KCNK13: variants seen among roughly 807,000 people sequenced by gnomAD.
The protein encoded by KCNK13 is potassium channel subfamily K member 13.
In KCNK13, 12 loss-of-function variants were observed where a neutral mutation model predicts 23.4. The ratio of observed to expected loss-of-function variants is 0.51; its 90% CI spans 0.33 to 0.83. KCNK13 has a LOEUF of 0.83. Ranked by LOEUF, KCNK13 falls within the 40% of genes least tolerant of loss-of-function variation. The pLI, the probability that KCNK13 is intolerant of heterozygous loss-of-function variation, is 0.02. For synonymous variants in KCNK13, 231 were observed against 229.5 expected (o/e 1.01, Z -0.06); for missense variants, 463 against 556.3 (o/e 0.83, Z 1.69).
At chr14:90,169,997 T>A (rs1394525974) in intron 1 of KCNK13, among the ~76,000 whole-genome samples, 1 of 152,154 alleles carries the variant, frequency 6.6e-6, no homozygotes, top group Non-Finnish European at 1.5e-5. Flanking sequence ...TTTTTGTACA[T>A]GTCTTTTTGA....
intron 1 of KCNK13, among the ~76,000 whole-genome samples, chr14:90,089,934 C>T (rs1022034526): frequency 9.9e-5 from 15 of 152,188 alleles, no homozygotes; most frequent in African/African-American, 3.1e-4. Context: ...CCTAGATTTC[C>T]GAGGATGGTG....
At chr14:90,140,121 G>A (rs932492410) in intron 1 of KCNK13, among the ~76,000 whole-genome samples, 12 of 152,138 alleles carry the variant, frequency 7.9e-5, no homozygotes, top group African/African-American at 2.7e-4. Flanking sequence ...AAATTATCAT[G>A]AAAGAGACTG....
At chr14:90,139,604 A>G (rs1889979589) in intron 1 of KCNK13, among the ~76,000 whole-genome samples, 1 of 152,206 alleles carries the variant, frequency 6.6e-6, no homozygotes, top group Non-Finnish European at 1.5e-5. Flanking sequence ...ATAATGAAAC[A>G]TTAACAATTT....
At chr14:90,122,214 T>C (rs1377681529) in intron 1 of KCNK13, among the ~76,000 whole-genome samples, 1 of 152,174 alleles carries the variant, frequency 6.6e-6, no homozygotes, top group African/African-American at 2.4e-5. Context: ...AATCTACTTA[T>C]GGATAAAACT....
intron 1 of KCNK13, among the ~76,000 whole-genome samples, chr14:90,176,546 C>T (rs564927724): frequency 6.6e-6 from 1 of 151,900 alleles, no homozygotes; most frequent in East Asian, 1.9e-4. Context: ...GTAGTTTCAT[C>T]CCACATGAGA....
At chr14:90,168,257 C>A (rs1406826044) in intron 1 of KCNK13, among the ~76,000 whole-genome samples, 1 of 151,664 alleles carries the variant, frequency 6.6e-6, no homozygotes, top group African/African-American at 2.4e-5. Context: ...GCCTGTAGTC[C>A]CAGCTACTGA....
chr14:90,157,744 C>A lies in KCNK13; in HGVS notation c.335-26367C>A, dbSNP rs1452921933. 3.0e-5 allele frequency among the ~76,000 whole-genome samples: 4 copies of A among 132,624 alleles called. No homozygotes were observed. The South Asian group carries it at 7.6e-4, about 25-fold the overall frequency. The allele number at this position is 132,624 out of a possible 152,430, so 87.0% of individuals were successfully genotyped here. On this transcript the variant is annotated intron_variant, in intron 1 of 1. Transcript: ENST00000282146. ...TCAGACAGAGTCTTGCTCTGTCACC[C>A]AGGCTGGAGTGCGATGGCCTGATCT...
chr14:90,095,212 T>G (rs1440742561), intron 1 of KCNK13, among the ~76,000 whole-genome samples: 1 of 152,214 alleles, frequency 6.6e-6, no homozygotes, highest in East Asian at 1.9e-4. Flanking sequence ...GTCCCTACAT[T>G]AATCTGTGAT....
intron 1 of KCNK13, among the ~76,000 whole-genome samples, chr14:90,140,641 A>T (rs1889994659): frequency 6.6e-6 from 1 of 152,116 alleles, no homozygotes; most frequent in Admixed American, 6.5e-5. Context: ...TCCCTGTAAG[A>T]TCCTGCTGTA....
At chr14:90,148,931 T>A (rs952104000) in intron 1 of KCNK13, among the ~76,000 whole-genome samples, 1 of 152,194 alleles carries the variant, frequency 6.6e-6, no homozygotes, top group African/African-American at 2.4e-5. Context: ...AAAAGTGCTA[T>A]TGTGATGGTA....
intron 1 of KCNK13, among the ~76,000 whole-genome samples, chr14:90,118,731 C>G (rs1182007116): frequency 6.6e-6 from 1 of 152,120 alleles, no homozygotes; most frequent in African/African-American, 2.4e-5. Flanking sequence ...CACAAGAGTT[C>G]CAGTTTCCCT....
intron 1 of KCNK13, among the ~76,000 whole-genome samples, chr14:90,136,947 T>C (rs1337497577): frequency 6.6e-6 from 1 of 152,140 alleles, no homozygotes; most frequent in Non-Finnish European, 1.5e-5. Context: ...CCAAGACAGA[T>C]AATGAAAGAA....
rs948717639 is a variant in KCNK13, at chr14:90,077,723, T to C, written c.334+15184T>C. 1.3e-3 allele frequency among the ~76,000 whole-genome samples: 197 copies of C among 152,354 alleles called. 4 individuals are homozygous for C. Among genetic ancestry groups the C allele is most frequent in the Non-Finnish European group, 1.9e-4 (13 of 68,030 alleles). On this transcript the variant is annotated intron_variant, in intron 1 of 1. Transcript: ENST00000282146. ...CTGGCATTCCTCTTTGCTATTCTCC[T>C]GCTGCCATCCTTTTTATTATCATGT...
intron 1 of KCNK13, among the ~76,000 whole-genome samples, chr14:90,179,449 G>A (rs1890461169): frequency 6.6e-6 from 1 of 152,118 alleles, no homozygotes; most frequent in African/African-American, 2.4e-5. Context: ...GGGGTGGACT[G>A]GGACCTTGGC....
At chr14:90,101,345 C>G (rs540188685) in intron 1 of KCNK13, among the ~76,000 whole-genome samples, 2 of 152,084 alleles carry the variant, frequency 1.3e-5, no homozygotes, top group Admixed American at 6.6e-5. Flanking sequence ...TATCTTGTCC[C>G]GGACCAGAGT....
intron 1 of KCNK13, among the ~76,000 whole-genome samples, chr14:90,141,137 T>C (rs1019818802): frequency 7.2e-5 from 11 of 152,210 alleles, no homozygotes; most frequent in Non-Finnish European, 1.3e-4. Context: ...CTCCATTACT[T>C]GCCTGTCCCT....
At chr14:90,098,911 C>T (rs1889442613) in intron 1 of KCNK13, among the ~76,000 whole-genome samples, 1 of 151,794 alleles carries the variant, frequency 6.6e-6, no homozygotes, top group Non-Finnish European at 1.5e-5. Flanking sequence ...AACCCCATCT[C>T]TACTAAAAAT....
intron 1 of KCNK13, among the ~76,000 whole-genome samples, chr14:90,097,729 G>C (rs1301952127): frequency 6.6e-6 from 1 of 152,110 alleles, no homozygotes; most frequent in African/African-American, 2.4e-5. Context: ...GCCATTTGTG[G>C]ACTAAGCAAT....
chr14:90,117,526 G>C (rs1186876106), intron 1 of KCNK13, among the ~76,000 whole-genome samples: 1 of 152,098 alleles, frequency 6.6e-6, no homozygotes, highest in African/African-American at 2.4e-5. Flanking sequence ...GGAGGTGGAG[G>C]CTGCAGTGAA....
Sources: gnomAD v4.1 joint callset for allele counts (sites outside exome capture counted in the v4.1 genomes callset) on GRCh38, gnomAD v4.1.1 for gene constraint, MANE v1.5 for transcripts, NCBI Gene and HGNC (gene_info 2026-07-23, HGNC 2026-07-21) for gene names.